CRTC1: variants seen among roughly 807,000 people sequenced by gnomAD.
CRTC1 encodes CREB-regulated transcription coactivator 1.
A neutral mutation model predicts 66.1 loss-of-function variants in CRTC1; 18 were observed. The ratio of observed to expected loss-of-function variants is 0.27; its 90% CI spans 0.19 to 0.40. CRTC1 has a LOEUF of 0.40. Among genes scored for constraint, CRTC1 ranks in the 10% least tolerant of loss-of-function variants. The pLI is 1.00. For missense variants in CRTC1, 669 were observed against 887.9 expected, an observed-to-expected ratio of 0.75 and a Z score of 3.13; for synonymous variants, 416 against 398.8, an observed-to-expected ratio of 1.04 and a Z score of -0.51.
intron 4 of CRTC1, among the ~76,000 whole-genome samples, chr19:18,749,328 ATTGTGT>A (rs950433745): frequency 2.0e-5 from 3 of 152,018 alleles, no homozygotes; most frequent in Non-Finnish European, 4.4e-5. Context: ...CAGTCACCTG[ATTGTGT>A]TTGTCACCAA....
intron 1 of CRTC1, among the ~76,000 whole-genome samples, chr19:18,684,603 C>T (rs2052643683): frequency 6.6e-6 from 1 of 152,098 alleles, no homozygotes; most frequent in Non-Finnish European, 1.5e-5. Context: ...TGCCCCTTCT[C>T]CATGTAGCCC....
intron 1 of CRTC1, among the ~76,000 whole-genome samples, chr19:18,693,159 G>A (rs1246901300): frequency 6.6e-6 from 1 of 151,576 alleles, no homozygotes; most frequent in Non-Finnish European, 1.5e-5. Flanking sequence ...GGGAGGCCGA[G>A]GTGGGCAGAT....
chr19:18,779,311 C>G lies in CRTC1; in HGVS notation c.*1929C>G, dbSNP rs1277156117. 4.4e-6 allele frequency: 1 copy of G among 227,728 alleles called. No individual in the cohort carries two copies. The highest frequency in any genetic ancestry group is 5.7e-5 in the Admixed American group (1 of 17,560). The allele number at this position is 227,728 out of a possible 1,614,324, so 14.1% of individuals were successfully genotyped here. On this transcript the variant is annotated 3_prime_UTR_variant, in exon 14 of 14. Coordinates refer to ENST00000321949, the MANE Select transcript of CRTC1 (RefSeq NM_015321.3). ...TGCCTTTGGCATGTGTCTGAGCAGC[C>G]AAGTGGCCACTCATAGGAGAAGGCT...
intron 1 of CRTC1, among the ~76,000 whole-genome samples, chr19:18,693,112 C>T (rs1037730450): frequency 6.7e-5 from 10 of 149,314 alleles, no homozygotes; most frequent in African/African-American, 7.4e-5. Context: ...ATTTTTCGGC[C>T]GGGTATGGTA....
At chr19:18,706,180 G>GTGTTTTTTTT (rs1568487122) in intron 1 of CRTC1, among the ~76,000 whole-genome samples, 1 of 26,362 alleles carries the variant, frequency 3.8e-5, no homozygotes. Flanking sequence ...TATTCCATTG[G>GTGTTTTTTTT]TCTTTTTTTT....
chr19:18,743,598 G>A (rs113869380), intron 2 of CRTC1, among the ~76,000 whole-genome samples: 218 of 152,064 alleles, frequency 1.4e-3, no homozygotes, highest in Non-Finnish European at 2.5e-3. Flanking sequence ...CCCCCAGGAC[G>A]GTGTCTGGGC....
chr19:18,721,625 G>A (rs2053632944), intron 1 of CRTC1, among the ~76,000 whole-genome samples: 1 of 151,804 alleles, frequency 6.6e-6, no homozygotes, highest in Admixed American at 6.6e-5. Context: ...CTCCTGAGTA[G>A]CTGGAACTAC....
chr19:18,744,068 G>C (rs765892132), intron 2 of CRTC1: 52 of 1,611,146 alleles, frequency 3.2e-5, no homozygotes, highest in Non-Finnish European at 4.2e-5. Flanking sequence ...GGCCAGGCAA[G>C]GCAGCAGCGT....
At chr19:18,699,260 G>C (rs2053074152) in intron 1 of CRTC1, among the ~76,000 whole-genome samples, 1 of 152,170 alleles carries the variant, frequency 6.6e-6, no homozygotes, top group African/African-American at 2.4e-5. Flanking sequence ...GGGTGTGCGG[G>C]GTCTTCTCAA....
At chr19:18,700,213 C>T (rs2053100498) in intron 1 of CRTC1, among the ~76,000 whole-genome samples, 1 of 152,210 alleles carries the variant, frequency 6.6e-6, no homozygotes, top group Non-Finnish European at 1.5e-5. Context: ...AGGAGTTTCA[C>T]TCCGTGGGGT....
In CRTC1 at chr19:18,768,502, C is replaced by T. The variant is rs577327884; in HGVS notation, c.1029C>T (p.Ala343=). 7.7e-5 allele frequency: 124 copies of T among 1,609,828 alleles called. 1 individual carries two copies. Among genetic ancestry groups the T allele is most frequent in the Non-Finnish European group, 9.4e-5 (111 of 1,179,312 alleles). Residue 343 remains alanine (A), a synonymous_variant, in exon 10 of 14, where the codon GCC becomes GCT. Coordinates refer to ENST00000321949, the MANE Select transcript of CRTC1 (RefSeq NM_015321.3). The surrounding 1 kb of genome is among the most constrained non-coding windows in gnomAD (Gnocchi z 5.6). ...TCCTGCAGGCTGTAGCCATGGACGC[C>T]CTGTCTCTGGAGCAGCAGCTGCCCT... ...SPITQAVAMD[A]LSLEQQLPYA...
At chr19:18,761,153 G>A in intron 8 of CRTC1, among the ~76,000 whole-genome samples, 1 of 152,156 alleles carries the variant, frequency 6.6e-6, no homozygotes, top group East Asian at 1.9e-4. Context: ...GCCCTGCCCT[G>A]CCCTGGTCAG....
At chr19:18,718,762 C>T (rs957698004) in intron 1 of CRTC1, among the ~76,000 whole-genome samples, 1 of 152,154 alleles carries the variant, frequency 6.6e-6, no homozygotes, top group Non-Finnish European at 1.5e-5. Context: ...TGTGCTGGTA[C>T]ACACACTCAT....
At chr19:18,730,982 C>T (rs532571792) in intron 1 of CRTC1, among the ~76,000 whole-genome samples, 22 of 138,316 alleles carry the variant, frequency 1.6e-4, no homozygotes, top group Middle Eastern at 3.7e-3. Flanking sequence ...TCCTTCCCTC[C>T]TTCCCTTTTT....
intron 1 of CRTC1, among the ~76,000 whole-genome samples, chr19:18,698,809 G>A (rs2053060313): frequency 6.6e-6 from 1 of 151,668 alleles, no homozygotes; most frequent in South Asian, 2.1e-4. Context: ...TGTTCAGCAG[G>A]CACACGGTGT....
intron 1 of CRTC1, among the ~76,000 whole-genome samples, chr19:18,685,907 A>G (rs1204127658): frequency 6.6e-6 from 1 of 152,210 alleles, no homozygotes; most frequent in Non-Finnish European, 1.5e-5. Flanking sequence ...ATTGTTGTTG[A>G]AAACATCTCT....
intron 1 of CRTC1, among the ~76,000 whole-genome samples, chr19:18,720,899 G>A (rs896888153): frequency 2.1e-4 from 32 of 152,066 alleles, no homozygotes; most frequent in South Asian, 1.0e-3. Context: ...GCACACATGC[G>A]TGGGGCCTTA....
chr19:18,761,048 C>T (rs2054603019), intron 8 of CRTC1, among the ~76,000 whole-genome samples: 1 of 152,018 alleles, frequency 6.6e-6, no homozygotes, highest in South Asian at 2.1e-4. Flanking sequence ...CCTGGCCCAC[C>T]CTCCACCCTC....
rs2054854319 is a variant in CRTC1 at position 18,771,018 on chromosome 19, A to G, written c.1321-424A>G. Among the ~76,000 whole-genome samples the G allele has an allele frequency of 6.8e-6, 1 of 147,396 alleles. No individual in the cohort carries two copies. The highest frequency in any genetic ancestry group is 1.5e-5 in the Non-Finnish European group (1 of 66,794). On this transcript the variant is annotated intron_variant, in intron 10 of 13. Transcript: ENST00000321949. The surrounding 1 kb of genome is among the most constrained non-coding windows in gnomAD (Gnocchi z 4.6). Reference sequence around the variant, plus strand: ...CATGGGCATGTACATTCATGTGTGGATATGTGCACATGTGTGGGTGTGCAT... The same window carrying G: ...CATGGGCATGTACATTCATGTGTGGGTATGTGCACATGTGTGGGTGTGCAT...
Sources: gnomAD v4.1 joint callset for allele counts (sites outside exome capture counted in the v4.1 genomes callset) on GRCh38, gnomAD v4.1.1 for gene constraint, Gnocchi (gnomAD v3.1) non-coding constraint, MANE v1.5 for transcripts, NCBI Gene and HGNC (gene_info 2026-07-23, HGNC 2026-07-21) for gene names.